CACUL1: variants seen among roughly 807,000 people sequenced by gnomAD.
The protein encoded by CACUL1 is CDK2 associated cullin domain 1.
A neutral mutation model predicts 45.2 loss-of-function variants in CACUL1; 13 were observed. That is an observed-to-expected ratio of 0.29 (90% confidence interval 0.19 to 0.46). CACUL1 has a LOEUF of 0.46. CACUL1 is among the 20% of genes least tolerant of loss of function. The pLI, the probability that CACUL1 is intolerant of heterozygous loss-of-function variation, is 1.00. For synonymous variants in CACUL1, 197 were observed against 174.2 expected (o/e 1.13, Z -1.03); for missense variants, 421 against 471.4 (o/e 0.89, Z 0.99).
Position 118,753,405 on chromosome 10 carries a change from A to C in CACUL1, c.367+991T>G, listed in dbSNP as rs542233423. ...ACAGCTTCATAAAATTAGTAGCTAG[A>C]AATGAACTCTCCAGTTGCTTTACCA... is the stretch of plus-strand genomic sequence containing the variant. On this transcript the variant is annotated intron_variant, in intron 1 of 8. Transcript: ENST00000369151. 5.9e-5 allele frequency among the ~76,000 whole-genome samples: 9 copies of C among 152,340 alleles called. No homozygotes were observed. In the South Asian group the frequency reaches 1.9e-3, roughly 32 times the overall value.
intron 3 of CACUL1, among the ~76,000 whole-genome samples, chr10:118,719,130 T>C (rs1248417110): frequency 6.6e-6 from 1 of 152,120 alleles, no homozygotes; most frequent in East Asian, 1.9e-4. Flanking sequence ...CACAAAAAGA[T>C]GGGAGAATTT....
chr10:118,730,106 C>T (rs1162302937), intron 2 of CACUL1, among the ~76,000 whole-genome samples, 178 bp downstream of exon 2: 1 of 152,160 alleles, frequency 6.6e-6, no homozygotes, highest in Non-Finnish European at 1.5e-5. Context: ...GATCTGAAAA[C>T]CACTTTTGAA....
At chr10:118,746,047 G>A (rs752090203) in intron 1 of CACUL1, among the ~76,000 whole-genome samples, 14 of 151,408 alleles carry the variant, frequency 9.2e-5, no homozygotes, top group Non-Finnish European at 2.1e-4. Flanking sequence ...AGCTACTCAG[G>A]AGGCTGAGGC....
intron 3 of CACUL1, among the ~76,000 whole-genome samples, chr10:118,727,563 C>G (rs1845663310): frequency 6.6e-6 from 1 of 152,054 alleles, no homozygotes; most frequent in Non-Finnish European, 1.5e-5. Context: ...GTGATATATA[C>G]AGAACTGATG....
intron 3 of CACUL1, among the ~76,000 whole-genome samples, chr10:118,728,504 T>C (rs1845672323): frequency 6.6e-6 from 1 of 152,088 alleles, no homozygotes; most frequent in South Asian, 2.1e-4. Flanking sequence ...TTGGCCAGGA[T>C]GGTCTCGATC....
At chr10:118,692,442 T>C (rs113174907) in intron 6 of CACUL1, 158 of 152,286 alleles carry the variant, frequency 1.0e-3, no homozygotes, top group African/African-American at 3.5e-3. Flanking sequence ...AAAGAACCTA[T>C]AATAATAGAA....
chr10:118,704,914 G>C (rs1366073156), intron 4 of CACUL1, among the ~76,000 whole-genome samples: 1 of 152,224 alleles, frequency 6.6e-6, no homozygotes, highest in East Asian at 1.9e-4. Flanking sequence ...GCGGGTACAA[G>C]CTGTAACACA....
rs118069953 is a variant in CACUL1, at chr10:118,750,000, T to C, written c.367+4396A>G. Among the ~76,000 whole-genome samples, 109 of 152,318 alleles carry C rather than the reference T, an allele frequency of 7.2e-4. 5 individuals carry two copies. In the East Asian group the frequency reaches 0.018, roughly 25 times the overall value. On this transcript the variant is annotated intron_variant, in intron 1 of 8. Transcript: ENST00000369151. ...AAACAACACATCTCTGTGGGAACTATAGAAAACACTATCAATGTCAAAGAC... is the reference window on the plus strand; with the variant it reads ...AAACAACACATCTCTGTGGGAACTACAGAAAACACTATCAATGTCAAAGAC...
intron 7 of CACUL1, among the ~76,000 whole-genome samples, chr10:118,687,288 T>G (rs986536501): frequency 1.3e-5 from 2 of 152,128 alleles, no homozygotes; most frequent in African/African-American, 4.8e-5. Flanking sequence ...TCTCTACGCT[T>G]CAGATCTACA....
At chr10:118,704,557 G>A (rs577000561) in intron 4 of CACUL1, among the ~76,000 whole-genome samples, 25 of 152,286 alleles carry the variant, frequency 1.6e-4, no homozygotes, top group Non-Finnish European at 3.1e-4. Context: ...TTGTCTTCCC[G>A]TTTGGCACAC....
rs557498174 is a variant in CACUL1, at chr10:118,700,901, A to G, written c.796+405T>C. Among the ~76,000 whole-genome samples the G allele has an allele frequency of 1.4e-4, 21 of 152,344 alleles. No homozygotes were observed. In the South Asian group the frequency reaches 4.4e-3, roughly 32 times the overall value. On this transcript the variant is annotated intron_variant, in intron 5 of 8. Transcript: ENST00000369151. ...AAATGACAGAACCAGACTAGAGAAG[A>G]GTTTCTGCACTAGAGTAAAAATCAG...
intron 5 of CACUL1, among the ~76,000 whole-genome samples, chr10:118,696,239 T>C (rs1845320966): frequency 6.6e-6 from 1 of 152,146 alleles, no homozygotes; most frequent in African/African-American, 2.4e-5. Context: ...GGGTGTCCAG[T>C]CTTTTGGCTC....
At chr10:118,701,554 C>A in intron 4 of CACUL1, 146 bp from the exon 5 acceptor site, 1 of 488,292 alleles carries the variant, frequency 2.0e-6, no homozygotes, top group Non-Finnish European at 3.7e-6. Context: ...AAAAGCCATG[C>A]AACTATTAGT....
chr10:118,708,825 C>T (rs958160881), intron 3 of CACUL1, among the ~76,000 whole-genome samples: 2 of 152,152 alleles, frequency 1.3e-5, no homozygotes, highest in African/African-American at 2.4e-5. Context: ...CACCAGGAAC[C>T]GAATAGGAAG....
chr10:118,704,906 G>A (rs968413300), intron 4 of CACUL1, among the ~76,000 whole-genome samples: 1 of 152,190 alleles, frequency 6.6e-6, no homozygotes, highest in Non-Finnish European at 1.5e-5. Context: ...TGCCAAATGC[G>A]GGTACAAGCT....
At chr10:118,751,487 G>A (rs376932496) in intron 1 of CACUL1, among the ~76,000 whole-genome samples, 20 of 152,044 alleles carry the variant, frequency 1.3e-4, no homozygotes, top group African/African-American at 4.6e-4. Context: ...AGTGGTTTAT[G>A]ATGCCACTTA....
At chr10:118,737,263 G>T (rs567921659) in intron 1 of CACUL1, among the ~76,000 whole-genome samples, 1 of 152,110 alleles carries the variant, frequency 6.6e-6, no homozygotes, top group Non-Finnish European at 1.5e-5. Flanking sequence ...ATTTGTTTGG[G>T]AAGTTTCTAA....
At chr10:118,722,179 G>T (rs958433555) in intron 3 of CACUL1, among the ~76,000 whole-genome samples, 5 of 151,566 alleles carry the variant, frequency 3.3e-5, no homozygotes, top group Non-Finnish European at 5.9e-5. Context: ...CGCCTCCCAG[G>T]TTCAAGTGAT....
At chr10:118,754,245 G>A (rs747099507) in intron 1 of CACUL1, 151 bp downstream of exon 1, 1,351 of 1,197,740 alleles carry the variant, frequency 1.1e-3, no homozygotes, top group Non-Finnish European at 1.4e-3. Flanking sequence ...GACGGTGAGG[G>A]GGAAGGAGGC....
Sources: allele counts gnomAD v4.1 joint callset (sites outside exome capture counted in the v4.1 genomes callset), GRCh38; gene constraint gnomAD v4.1.1; transcripts MANE v1.5; gene names NCBI Gene and HGNC (gene_info 2026-07-23, HGNC 2026-07-21).